Variants in ARHGAP15 observed in about 807,000 individuals in gnomAD.
ARHGAP15 encodes rho GTPase-activating protein 15.
ARHGAP15 carries 51 observed loss-of-function variants against 63.7 expected under a neutral mutation model. That is an observed-to-expected ratio of 0.80 (90% CI 0.64 to 1.01). The LOEUF is 1.01. Among genes scored for constraint, ARHGAP15 ranks in the 50% least tolerant of loss-of-function variants. The pLI is 0.00. For missense variants in ARHGAP15, 560 were observed against 564.6 expected (o/e 0.99, Z 0.08); for synonymous variants, 191 against 193.8 (o/e 0.99, Z 0.12).
At chr2:143,398,096 C>CGG (rs1488814027) in intron 6 of ARHGAP15, among the ~76,000 whole-genome samples, 1 of 152,074 alleles carries the variant, frequency 6.6e-6, no homozygotes, top group East Asian at 1.9e-4. Flanking sequence ...TTCATCCTCC[C>CGG]ACTTAGCAAA....
At chr2:143,232,630 C>G (rs1448894024) in intron 5 of ARHGAP15, among the ~76,000 whole-genome samples, 2 of 151,958 alleles carry the variant, frequency 1.3e-5, no homozygotes, top group Non-Finnish European at 2.9e-5. Context: ...AGTTATAGAC[C>G]CTGCCAGCCC....
intron 6 of ARHGAP15, among the ~76,000 whole-genome samples, chr2:143,312,457 A>G (rs965307853): frequency 2.6e-5 from 4 of 152,034 alleles, no homozygotes; most frequent in Non-Finnish European, 5.9e-5. Flanking sequence ...CAATCTCTGC[A>G]GTTATTTTTT....
intron 2 of ARHGAP15, among the ~76,000 whole-genome samples, chr2:143,200,785 G>A (rs1454992833): frequency 6.6e-6 from 1 of 152,082 alleles, no homozygotes; most frequent in Non-Finnish European, 1.5e-5. Flanking sequence ...ATAAGAAAGT[G>A]TGATTTTTGA....
chr2:143,383,052 C>T (rs148000963), intron 6 of ARHGAP15, among the ~76,000 whole-genome samples: 51 of 152,260 alleles, frequency 3.3e-4, no homozygotes, highest in African/African-American at 1.1e-3. Flanking sequence ...CAAATTCTTA[C>T]GTAGACGTGT....
At chr2:143,699,589 A>C (rs976194738) in intron 12 of ARHGAP15, among the ~76,000 whole-genome samples, 7 of 152,196 alleles carry the variant, frequency 4.6e-5, no homozygotes, top group African/African-American at 1.4e-4. Flanking sequence ...TCAGACCATC[A>C]ATTTCTCAGC....
chr2:143,493,579 C>T lies in ARHGAP15; in HGVS notation c.826+6084C>T, dbSNP rs545032921. On this transcript the variant is annotated intron_variant, in intron 9 of 13. Coordinates refer to ENST00000295095, the MANE Select transcript of ARHGAP15 (RefSeq NM_018460.4). ...TCATTTTTTTCTTGCATTCTGGGCC[C>T]TTATGTCATTATGTGCTTTCATTCT... 3.9e-5 allele frequency among the ~76,000 whole-genome samples: 6 copies of T among 152,266 alleles called. No individual in the cohort carries two copies. In the South Asian group the frequency reaches 1.2e-3, roughly 32 times the overall value.
chr2:143,303,156 A>G (rs1682991917), intron 6 of ARHGAP15, among the ~76,000 whole-genome samples: 1 of 152,068 alleles, frequency 6.6e-6, no homozygotes, highest in African/African-American at 2.4e-5. Context: ...GCCAAAATTG[A>G]CAAATGGGAT....
chr2:143,419,637 A>T (rs2105047592), intron 6 of ARHGAP15, among the ~76,000 whole-genome samples: 1 of 149,340 alleles, frequency 6.7e-6, no homozygotes, highest in African/African-American at 2.5e-5. Flanking sequence ...TGACCTATGT[A>T]TGACCTATAT....
chr2:143,456,107 C>T (rs1038036672), intron 8 of ARHGAP15, among the ~76,000 whole-genome samples: 4 of 152,072 alleles, frequency 2.6e-5, no homozygotes, highest in South Asian at 2.1e-4. Context: ...TAAATCCTGA[C>T]GCTGCCAGAA....
chr2:143,575,288 T>TCC (rs989158904), intron 11 of ARHGAP15, among the ~76,000 whole-genome samples: 2 of 152,156 alleles, frequency 1.3e-5, no homozygotes, highest in Non-Finnish European at 2.9e-5. Context: ...AAACTGTTTA[T>TCC]CTCTGGTGAA....
chr2:143,575,564 A>G (rs1401885835), intron 11 of ARHGAP15, among the ~76,000 whole-genome samples: 2 of 152,156 alleles, frequency 1.3e-5, no homozygotes, highest in African/African-American at 2.4e-5. Context: ...CCCTACTGTA[A>G]GGACAGCATG....
rs140495966 is a variant in ARHGAP15 at position 143,496,945 on chromosome 2, G to A, written c.826+9450G>A. 2.0e-5 allele frequency among the ~76,000 whole-genome samples: 3 copies of A among 152,256 alleles called. No homozygotes were observed. In the East Asian group the frequency reaches 5.8e-4, roughly 29 times the overall value. ...GTGGACTATGTATCCTTAAAAGATT[G>A]CCCAGAATTCTGGCATGCCCTATAG... On this transcript the variant is annotated intron_variant, in intron 9 of 13. Coordinates refer to ENST00000295095, the MANE Select transcript of ARHGAP15 (RefSeq NM_018460.4).
At chr2:143,480,336 T>A (rs952201866) in intron 8 of ARHGAP15, among the ~76,000 whole-genome samples, 3 of 152,236 alleles carry the variant, frequency 2.0e-5, no homozygotes, top group African/African-American at 7.2e-5. Flanking sequence ...ATTTAACTAC[T>A]TAAAGTTGAT....
At chr2:143,274,310 A>G (rs1681438460) in intron 6 of ARHGAP15, among the ~76,000 whole-genome samples, 1 of 152,178 alleles carries the variant, frequency 6.6e-6, no homozygotes, top group Non-Finnish European at 1.5e-5. Flanking sequence ...TTGTTTCCAC[A>G]GAGAAAAAAA....
intron 8 of ARHGAP15, among the ~76,000 whole-genome samples, chr2:143,477,210 G>A (rs537597105): frequency 4.9e-4 from 72 of 146,438 alleles, no homozygotes; most frequent in Non-Finnish European, 7.8e-4. Flanking sequence ...ACACACACTC[G>A]CGCACACACA....
At chr2:143,510,253 A>T (rs575024723) in intron 9 of ARHGAP15, among the ~76,000 whole-genome samples, 2 of 152,218 alleles carry the variant, frequency 1.3e-5, no homozygotes, top group Non-Finnish European at 2.9e-5. Flanking sequence ...ATCTGCCCAT[A>T]TGTGTGGCAT....
intron 13 of ARHGAP15, among the ~76,000 whole-genome samples, chr2:143,725,695 G>T (rs1389165451): frequency 1.3e-5 from 2 of 152,082 alleles, no homozygotes; most frequent in East Asian, 3.9e-4. Flanking sequence ...ATTTTTTAAG[G>T]ACTCATTTAA....
intron 11 of ARHGAP15, among the ~76,000 whole-genome samples, chr2:143,620,796 C>T (rs565710143): frequency 8.5e-4 from 130 of 152,334 alleles, no homozygotes; most frequent in African/African-American, 2.9e-3. Context: ...GTGCATAGCA[C>T]AGTCCCTGGT....
At chr2:143,166,672 T>G (rs1307330201) in intron 2 of ARHGAP15, among the ~76,000 whole-genome samples, 2 of 152,148 alleles carry the variant, frequency 1.3e-5, no homozygotes, top group Admixed American at 6.6e-5. Flanking sequence ...AAAAATGGCC[T>G]GTAAAAAAGA....
Sources: gnomAD v4.1 joint callset for allele counts (sites outside exome capture counted in the v4.1 genomes callset) on GRCh38, gnomAD v4.1.1 for gene constraint, MANE v1.5 for transcripts, NCBI Gene and HGNC (gene_info 2026-07-23, HGNC 2026-07-21) for gene names.